CNTN4: variants seen among roughly 807,000 people sequenced by gnomAD.
The protein encoded by CNTN4 is contactin 4.
CNTN4 carries 77 observed loss-of-function variants against 122.5 expected under a neutral mutation model. The observed-to-expected ratio is 0.63, with a 90% CI of 0.52 to 0.76. The LOEUF (loss-of-function observed/expected upper bound fraction) is 0.76, where lower values mean the gene tolerates loss of function less well. CNTN4 is among the 30% of genes least tolerant of loss of function. The pLI is 0.00. For missense variants in CNTN4, 1,256 were observed against 1,259.1 expected (o/e 1.00, Z 0.04); for synonymous variants, 512 against 447.0 (o/e 1.15, Z -1.83).
intron 1 of CNTN4, chr3:2,099,418 G>T (rs561495432): frequency 3.9e-5 from 6 of 152,540 alleles, no homozygotes; most frequent in African/African-American, 1.4e-4. Context: ...CTGGCGCCGG[G>T]TTCCCGGCGG....
intron 2 of CNTN4, among the ~76,000 whole-genome samples, chr3:2,300,397 T>A (rs529465508): frequency 5.5e-4 from 84 of 152,152 alleles, no homozygotes; most frequent in African/African-American, 1.9e-3. Context: ...TTTGCATGTT[T>A]TATCTTAAGC....
chr3:2,437,110 TCTG>T, intron 3 of CNTN4, among the ~76,000 whole-genome samples: 1 of 152,238 alleles, frequency 6.6e-6, no homozygotes, highest in African/African-American at 2.4e-5. Flanking sequence ...GAACTTTTTT[TCTG>T]CTTTCTACCC....
chr3:2,322,872 C>G (rs2043318170), intron 2 of CNTN4, among the ~76,000 whole-genome samples: 2 of 151,910 alleles, frequency 1.3e-5, no homozygotes, highest in Non-Finnish European at 2.9e-5. Context: ...TTGCTCTTTT[C>G]CTATTTAACA....
At chr3:3,031,587 C>CT (rs1406846591) in intron 16 of CNTN4, among the ~76,000 whole-genome samples, 3 of 151,710 alleles carry the variant, frequency 2.0e-5, no homozygotes, top group Non-Finnish European at 4.4e-5. Flanking sequence ...GAGCTATGAC[C>CT]CCCCCGGCTG....
chr3:2,477,183 T>C (rs2075858292), intron 3 of CNTN4, among the ~76,000 whole-genome samples: 1 of 152,212 alleles, frequency 6.6e-6, no homozygotes, highest in African/African-American at 2.4e-5. Flanking sequence ...AAAGTAGCTC[T>C]TGTTCTTATA....
intron 3 of CNTN4, among the ~76,000 whole-genome samples, chr3:2,460,243 C>T (rs2049156781): frequency 6.6e-6 from 1 of 152,266 alleles, no homozygotes; most frequent in East Asian, 1.9e-4. Context: ...TCAACCCTAA[C>T]TTTGGTCATC....
chr3:3,038,852 A>T, intron 18 of CNTN4, 81 bp from the exon 19 acceptor site: 1 of 1,131,840 alleles, frequency 8.8e-7, no homozygotes, highest in Non-Finnish European at 1.3e-6. Flanking sequence ...ACTGAAAGTG[A>T]GTCACCTCTG....
chr3:2,480,445 G>GT (rs2075959557), intron 3 of CNTN4, among the ~76,000 whole-genome samples: 1 of 152,104 alleles, frequency 6.6e-6, no homozygotes, highest in African/African-American at 2.4e-5. Flanking sequence ...ACATAGACCA[G>GT]TAAATGACTG....
chr3:2,647,225 A>G (rs2083165613), intron 4 of CNTN4, among the ~76,000 whole-genome samples: 2 of 152,046 alleles, frequency 1.3e-5, no homozygotes, highest in South Asian at 4.2e-4. Context: ...TACTAAAAAT[A>G]CAAAAATTAG....
chr3:2,537,825 G>C (rs1225556093), intron 3 of CNTN4, among the ~76,000 whole-genome samples: 1 of 151,914 alleles, frequency 6.6e-6, no homozygotes, highest in East Asian at 1.9e-4. Flanking sequence ...CTGCAGAAGG[G>C]AGCAAGCTGA....
chr3:2,521,344 C>CG (rs11391494), intron 3 of CNTN4, among the ~76,000 whole-genome samples: 848 of 22,888 alleles, frequency 0.037, 17 homozygotes, highest in African/African-American at 0.12. Context: ...CTCTACCCAT[C>CG]CCCCCCACCC....
At chr3:2,624,450 G>C (rs1273803169) in intron 4 of CNTN4, among the ~76,000 whole-genome samples, 1 of 151,694 alleles carries the variant, frequency 6.6e-6, no homozygotes, top group Non-Finnish European at 1.5e-5. Flanking sequence ...AATTAATTTG[G>C]GGACTAATGC....
At chr3:2,754,850 A>G (rs1212970423) in intron 6 of CNTN4, among the ~76,000 whole-genome samples, 1 of 152,184 alleles carries the variant, frequency 6.6e-6, no homozygotes, top group Non-Finnish European at 1.5e-5. Flanking sequence ...GTTAAGTGGC[A>G]AACATTTTTT....
chr3:3,025,332 C>G (rs866805258), intron 14 of CNTN4, among the ~76,000 whole-genome samples: 2 of 152,116 alleles, frequency 1.3e-5, no homozygotes, highest in Middle Eastern at 3.4e-3. Flanking sequence ...TTTATTATTT[C>G]TAATTATAAA....
chr3:2,840,765 C>T (rs2093349292), intron 7 of CNTN4, among the ~76,000 whole-genome samples: 1 of 151,584 alleles, frequency 6.6e-6, no homozygotes, highest in Non-Finnish European at 1.5e-5. Flanking sequence ...AATGTTTAGT[C>T]TCCCAATTTT....
At chr3:2,108,625 T>G (rs183076165) in intron 2 of CNTN4, among the ~76,000 whole-genome samples, 464 of 152,318 alleles carry the variant, frequency 3.0e-3, no homozygotes, top group Admixed American at 6.1e-3. Context: ...TTTGTACTAG[T>G]TGTGTGATTG....
chr3:2,964,788 T>C (rs918070996), intron 13 of CNTN4, among the ~76,000 whole-genome samples: 9 of 152,176 alleles, frequency 5.9e-5, no homozygotes, highest in African/African-American at 2.2e-4. Context: ...ATGAGGAAAC[T>C]GAAGTTGAGA....
rs567756745 is a variant in CNTN4, at chr3:2,631,162, A to G, written c.55+59604A>G. The stretch of plus-strand genomic sequence containing the variant: ...TATTTGTTATTTCTGACTGCTAGAA[A>G]GCAAAGGTCACTAGGTCAGGAAATT... On this transcript the variant is annotated intron_variant, in intron 4 of 24. Coordinates refer to ENST00000418658, the MANE Select transcript of CNTN4 (RefSeq NM_175607.3). 3.3e-5 allele frequency among the ~76,000 whole-genome samples: 5 copies of G among 152,340 alleles called. 1 individual carries two copies. The East Asian group carries it at 9.6e-4, about 29-fold the overall frequency.
At chr3:2,358,325 G>A (rs2044963928) in intron 3 of CNTN4, among the ~76,000 whole-genome samples, 1 of 152,046 alleles carries the variant, frequency 6.6e-6, no homozygotes, top group African/African-American at 2.4e-5. Context: ...AGGATAATAT[G>A]GATGAAATGA....
Sources: gnomAD v4.1 joint callset for allele counts (sites outside exome capture counted in the v4.1 genomes callset) on GRCh38, gnomAD v4.1.1 for gene constraint, MANE v1.5 for transcripts, NCBI Gene and HGNC (gene_info 2026-07-23, HGNC 2026-07-21) for gene names.